Variants in CNTLN observed in about 807,000 individuals in gnomAD.
CNTLN encodes centlein.
A neutral mutation model predicts 180.0 loss-of-function variants in CNTLN; 212 were observed. That is an observed-to-expected ratio of 1.18 (90% confidence interval 1.05 to 1.32). The LOEUF is 1.32. CNTLN is among the 40% of genes most tolerant of loss of function. The pLI is 0.00. For synonymous variants in CNTLN, 722 were observed against 563.1 expected (o/e 1.28, Z -3.99); for missense variants, 2,095 against 1,610.9 (o/e 1.30, Z -5.14).
In CNTLN at chr9:17,384,327, C is replaced by G. The variant is rs537501142; in HGVS notation, c.1988-3835C>G. Among the ~76,000 whole-genome samples, 9 of 151,256 alleles carry G rather than the reference C, an allele frequency of 6.0e-5. No individual in the cohort carries two copies. The South Asian group carries it at 1.9e-3, about 32-fold the overall frequency. ...ACTACTTATCCTTCTGTTTTCCTAC[C>G]TCTCGTCCTAGAAAAAGATACTTAC... On this transcript the variant is annotated intron_variant, in intron 13 of 25. Coordinates refer to ENST00000380647, the MANE Select transcript of CNTLN (RefSeq NM_017738.4).
chr9:17,208,413 G>A (rs960718014), intron 2 of CNTLN, among the ~76,000 whole-genome samples: 1 of 152,128 alleles, frequency 6.6e-6, no homozygotes, highest in South Asian at 2.1e-4. Context: ...TTCATCAGGG[G>A]TATTGGCCAG....
chr9:17,500,038 A>G (rs1833659357), intron 25 of CNTLN, among the ~76,000 whole-genome samples: 1 of 152,210 alleles, frequency 6.6e-6, no homozygotes, highest in South Asian at 2.1e-4. Flanking sequence ...ATTCTTCTGA[A>G]CGATTATAGA....
chr9:17,345,474 CT>C (rs1245108191), intron 12 of CNTLN, among the ~76,000 whole-genome samples: 4 of 149,168 alleles, frequency 2.7e-5, no homozygotes, highest in African/African-American at 9.8e-5. Flanking sequence ...GTTACTTAAG[CT>C]TTTTTTTAGA....
chr9:17,415,855 G>C lies in CNTLN; in HGVS notation c.2864G>C (p.Ser955Thr). The C allele has an allele frequency of 6.2e-7, 1 of 1,612,644 alleles. No homozygotes were observed. ...FQKKNCKMQK[S>T]SHTAVPTRVN... ...AAGAAGAATTGCAAGATGCAAAAGA[G>C]TTCACATACAGCAGTTCCTACTAGA... Residue 955 changes from serine (S) to threonine (T), a missense_variant, in exon 17 of 26, where the codon AGT (serine) becomes ACT (threonine). Coordinates refer to ENST00000380647, the MANE Select transcript of CNTLN (RefSeq NM_017738.4).
intron 5 of CNTLN, among the ~76,000 whole-genome samples, chr9:17,236,930 T>C (rs1219136110): frequency 6.6e-6 from 1 of 152,210 alleles, no homozygotes; most frequent in Non-Finnish European, 1.5e-5. Context: ...TGTTGCAGTA[T>C]AGTTTTTAAG....
intron 7 of CNTLN, among the ~76,000 whole-genome samples, chr9:17,307,481 G>C (rs930078183): frequency 6.6e-6 from 1 of 152,050 alleles, no homozygotes; most frequent in Non-Finnish European, 1.5e-5. Context: ...TATTGCCCAG[G>C]CTGGTCTCGA....
intron 5 of CNTLN, among the ~76,000 whole-genome samples, chr9:17,256,561 C>CT (rs573897019): frequency 0.12 from 17,757 of 143,760 alleles, 1,313 homozygotes; most frequent in African/African-American, 0.22. Context: ...TATGTCTTCT[C>CT]TTTTTTTTTT....
chr9:17,302,432 C>T (rs1563976551), intron 7 of CNTLN, among the ~76,000 whole-genome samples: 2 of 152,150 alleles, frequency 1.3e-5, no homozygotes, highest in Admixed American at 6.5e-5. Context: ...CTCCTTACCT[C>T]AGGTGATCCA....
At chr9:17,248,456 C>G (rs367701308) in intron 5 of CNTLN, among the ~76,000 whole-genome samples, 13 of 150,770 alleles carry the variant, frequency 8.6e-5, no homozygotes, top group African/African-American at 2.7e-4. Flanking sequence ...TTAGGTAATC[C>G]AGGTGTTTCT....
At chr9:17,211,535 C>T (rs1399204264) in intron 2 of CNTLN, among the ~76,000 whole-genome samples, 12 of 152,200 alleles carry the variant, frequency 7.9e-5, no homozygotes, top group Middle Eastern at 3.4e-3. Context: ...CTTGGCAATG[C>T]GGGCTCTTTT....
intron 6 of CNTLN, among the ~76,000 whole-genome samples, chr9:17,294,852 GAGGA>G: frequency 2.1e-5 from 1 of 47,792 alleles, no homozygotes; most frequent in African/African-American, 9.3e-5. Flanking sequence ...GGAGGGCGGG[GAGGA>G]GGGAGGAGGG....
chr9:17,464,681 C>T, intron 21 of CNTLN, 58 bp downstream of exon 21: 2 of 1,069,724 alleles, frequency 1.9e-6, no homozygotes, highest in South Asian at 1.8e-5. Context: ...TAATTACTCT[C>T]TTACCACAAA....
chr9:17,148,495 A>C (rs1056570967), intron 2 of CNTLN, among the ~76,000 whole-genome samples: 6 of 152,170 alleles, frequency 3.9e-5, no homozygotes, highest in African/African-American at 7.2e-5. Flanking sequence ...AAGCACTGTT[A>C]ACTCATGCCT....
At chr9:17,284,636 T>G (rs1334828258) in intron 6 of CNTLN, among the ~76,000 whole-genome samples, 2 of 142,776 alleles carry the variant, frequency 1.4e-5, no homozygotes, top group East Asian at 3.9e-4. Flanking sequence ...TGTATCTATT[T>G]GATTCTTTTC....
chr9:17,184,197 A>C (rs1275896562), intron 2 of CNTLN, among the ~76,000 whole-genome samples: 1 of 152,164 alleles, frequency 6.6e-6, no homozygotes, highest in Non-Finnish European at 1.5e-5. Flanking sequence ...CGACAAACGG[A>C]CTTATTCGAA....
chr9:17,515,368 T>C, the CNTLN span, among the ~76,000 whole-genome samples: 1 of 152,212 alleles, frequency 6.6e-6, no homozygotes, highest in East Asian at 1.9e-4. Flanking sequence ...ATATTCAGTC[T>C]GTAGTTGATC....
chr9:17,382,012 G>A (rs1367842888), intron 13 of CNTLN, among the ~76,000 whole-genome samples: 2 of 152,132 alleles, frequency 1.3e-5, no homozygotes, highest in African/African-American at 4.8e-5. Context: ...GCAGGGATCT[G>A]TACTGCATCC....
In CNTLN at chr9:17,357,748, A is replaced by G. The variant is rs200240226; in HGVS notation, c.1887-8869A>G. Among the ~76,000 whole-genome samples, 19 of 151,344 alleles carry G rather than the reference A, an allele frequency of 1.3e-4. No homozygotes were observed. The East Asian group carries it at 3.5e-3, about 28-fold the overall frequency. ...TCCATAAGTCAATTTTGTCACACGA[A>G]CTCATTCTATTTGATAGTATTTTTT... On this transcript the variant is annotated intron_variant, in intron 12 of 25. Coordinates refer to ENST00000380647, the MANE Select transcript of CNTLN (RefSeq NM_017738.4).
the CNTLN span, among the ~76,000 whole-genome samples, chr9:17,523,116 C>A: frequency 2.6e-5 from 4 of 152,142 alleles, no homozygotes; most frequent in Non-Finnish European, 5.9e-5. Flanking sequence ...CAGAGAGCAC[C>A]TTTATGACCA....
Sources: gnomAD v4.1 joint callset for allele counts (sites outside exome capture counted in the v4.1 genomes callset) on GRCh38, gnomAD v4.1.1 for gene constraint, MANE v1.5 for transcripts, NCBI Gene and HGNC (gene_info 2026-07-23, HGNC 2026-07-21) for gene names.